The following COL12A1 variants were observed in gnomAD, a reference collection of about 807,000 sequenced individuals.
COL12A1 encodes collagen type XII alpha 1 chain.
In COL12A1, 114 loss-of-function variants were observed where a neutral mutation model predicts 349.7. That is an observed-to-expected ratio of 0.33 (90% confidence interval 0.28 to 0.38). The LOEUF (loss-of-function observed/expected upper bound fraction) is 0.38, where lower values mean the gene tolerates loss of function less well. Among genes scored for constraint, COL12A1 ranks in the 10% least tolerant of loss-of-function variants. The pLI, the probability that COL12A1 is intolerant of heterozygous loss-of-function variation, is 1.00. For synonymous variants in COL12A1, 1,369 were observed against 1,329.0 expected, an observed-to-expected ratio of 1.03 and a Z score of -0.66; for missense variants, 3,284 against 3,756.9, an observed-to-expected ratio of 0.87 and a Z score of 3.29.
chr6:75,089,554 A>G (rs1345693418), intron 63 of COL12A1, among the ~76,000 whole-genome samples: 1 of 152,236 alleles, frequency 6.6e-6, no homozygotes, highest in South Asian at 2.1e-4. Context: ...AGAATTATAG[A>G]AATATGTAGG....
In COL12A1 at chr6:75,085,406, G is replaced by GCA. The variant is rs59844830; in HGVS notation, c.*1139_*1140dup. On this transcript the variant is annotated 3_prime_UTR_variant, in exon 66 of 66. Coordinates refer to ENST00000322507, the MANE Select transcript of COL12A1 (RefSeq NM_004370.6). ...TTACAATTATGGCATGATTTGGAAG[G>GCA]CACACACACACACACACAGCAAAAG... is the stretch of plus-strand genomic sequence containing the variant. The GCA allele has an allele frequency of 0.096, 32,626 of 339,358 alleles. 174 individuals are homozygous for GCA. The highest frequency in any genetic ancestry group is 0.24 in the East Asian group (2,790 of 11,486). 21.0% of individuals were successfully genotyped at this position (339,358 alleles called of 1,614,324 possible).
intron 60 of COL12A1, among the ~76,000 whole-genome samples, chr6:75,093,426 C>T (rs377738074): frequency 6.6e-6 from 1 of 152,212 alleles, no homozygotes; most frequent in South Asian, 2.1e-4. Flanking sequence ...AAGCCAAGCT[C>T]TCTGCTAAGA....
intron 24 of COL12A1, 143 bp from the exon 25 acceptor site, chr6:75,145,598 A>C: frequency 1.1e-5 from 7 of 651,406 alleles, no homozygotes; most frequent in Non-Finnish European, 1.5e-5. Context: ...CTCCTTTTCC[A>C]TGCTGATGTT....
chr6:75,147,884 C>G, intron 22 of COL12A1, 80 bp from the exon 23 acceptor site: 1 of 1,425,270 alleles, frequency 7.0e-7, no homozygotes, highest in African/African-American at 1.4e-5. Flanking sequence ...AAGTAGTTAA[C>G]TGCAGTGAGC....
chr6:75,200,297 A>C (rs1388459990), intron 2 of COL12A1, among the ~76,000 whole-genome samples: 3 of 152,132 alleles, frequency 2.0e-5, no homozygotes, highest in Non-Finnish European at 4.4e-5. Flanking sequence ...GGCCAGTACG[A>C]AATAAACTGT....
chr6:75,097,249 T>A lies in COL12A1; in HGVS notation c.8577+4A>T, dbSNP rs1562105188. On this transcript the variant is annotated splice_donor_region_variant and intron_variant, in intron 59 of 65. Coordinates refer to ENST00000322507, the MANE Select transcript of COL12A1 (RefSeq NM_004370.6). ...CACAAAAATGAGACACATTTAGTTC[T>A]TACCGGCGGCCCTGGTGGGCCCCTG... 7 of 1,613,502 alleles carry A rather than the reference T, an allele frequency of 4.3e-6. No homozygotes were observed. The highest frequency in any genetic ancestry group is 5.9e-6 in the Non-Finnish European group (7 of 1,179,660).
intron 33 of COL12A1, 124 bp downstream of exon 33, chr6:75,133,734 C>T (rs932208843): frequency 8.8e-7 from 1 of 1,134,116 alleles, no homozygotes; most frequent in African/African-American, 1.6e-5. Context: ...TCTATAAAGT[C>T]TTATTAAATG....
intron 64 of COL12A1, among the ~76,000 whole-genome samples, chr6:75,088,002 C>T (rs1443875876): frequency 6.6e-6 from 1 of 152,100 alleles, no homozygotes; most frequent in Non-Finnish European, 1.5e-5. Flanking sequence ...TCAGCCAAAC[C>T]AGAGATATCA....
chr6:75,182,992 T>C (rs1018752291), intron 10 of COL12A1, 58 bp downstream of exon 10: 67 of 1,523,248 alleles, frequency 4.4e-5, no homozygotes, highest in Admixed American at 1.1e-4. Context: ...TCCACAATTT[T>C]AGAACCAAAA....
Position 75,143,270 on chromosome 6 carries a change from T to C in COL12A1, c.4809A>G (p.Pro1603=). 1 of 1,613,946 alleles carries C rather than the reference T, an allele frequency of 6.2e-7. No individual in the cohort carries two copies. Among genetic ancestry groups the C allele is most frequent in the Non-Finnish European group, 8.5e-7 (1 of 1,179,906 alleles). Residue 1603 remains proline (P), a synonymous_variant, in exon 26 of 66, where the codon CCA becomes CCG. Coordinates refer to ENST00000322507, the MANE Select transcript of COL12A1 (RefSeq NM_004370.6). ...AACCTACCTCTTTGACATCCTCTTC[T>C]GGTGTTTTGTATCGAACAATATATT... ...VRKYIVRYKT[P]EEDVKEVEVD...
intron 52 of COL12A1, among the ~76,000 whole-genome samples, 200 bp from the exon 53 acceptor site, chr6:75,106,696 T>G (rs796951641): frequency 4.6e-5 from 7 of 152,182 alleles, no homozygotes; most frequent in African/African-American, 1.7e-4. Flanking sequence ...GTGAAACATG[T>G]ATGTGAGATT....
chr6:75,115,571 G>T (rs1315611869), intron 49 of COL12A1, among the ~76,000 whole-genome samples: 1 of 152,124 alleles, frequency 6.6e-6, no homozygotes, highest in African/African-American at 2.4e-5. Flanking sequence ...CTTGGATCTG[G>T]CAATAACGAG....
At chr6:75,093,938 T>C (rs1362637469) in intron 60 of COL12A1, among the ~76,000 whole-genome samples, 2 of 152,204 alleles carry the variant, frequency 1.3e-5, no homozygotes, top group African/African-American at 4.8e-5. Flanking sequence ...AAATGCTGAA[T>C]GGGTAGAAAA....
chr6:75,158,212 G>C (rs1352782810), intron 14 of COL12A1, among the ~76,000 whole-genome samples: 1 of 152,192 alleles, frequency 6.6e-6, no homozygotes, highest in Non-Finnish European at 1.5e-5. Context: ...TAAACATGAG[G>C]CCTTTGTGGA....
At position 75,091,365 on chromosome 6, in the gene COL12A1, T is replaced by A; in HGVS notation, c.8710A>T (p.Met2904Leu). Residue 2904 changes from methionine (M) to leucine (L), a missense_variant, in exon 62 of 66, where the codon ATG becomes TTG. This residue lies in a region of COL12A1 where 683 missense variants were observed against 932.1 expected (regional missense o/e 0.73). Transcript: ENST00000322507. ...CAGACTTGTCTTGCAACTGCTCGCA[T>A]CATGTTCTGGGAAGCAATGTCTCCC... is the stretch of plus-strand genomic sequence containing the variant. ...DRGDIASQNM[M>L]RAVARQVCEQ... The A allele has an allele frequency of 6.2e-7, 1 of 1,613,848 alleles. No individual in the cohort carries two copies. The highest frequency in any genetic ancestry group is 8.5e-7 in the Non-Finnish European group (1 of 1,179,936).
At chr6:75,117,612 C>CA (rs1290761953) in intron 46 of COL12A1, 66 bp from the exon 47 acceptor site, 5 of 1,514,208 alleles carry the variant, frequency 3.3e-6, no homozygotes, top group Non-Finnish European at 3.6e-6. Context: ...TAGAACAATG[C>CA]AAAAAAATTC....
At chr6:75,130,678 CG>C (rs1443020510) in intron 36 of COL12A1, among the ~76,000 whole-genome samples, 173 bp downstream of exon 36, 1 of 152,070 alleles carries the variant, frequency 6.6e-6, no homozygotes, top group East Asian at 1.9e-4. Flanking sequence ...AAGAAGTTCA[CG>C]TCACACAAAC....
At chr6:75,125,053 G>T (rs1010995853) in intron 40 of COL12A1, 74 bp downstream of exon 40, 1 of 1,408,678 alleles carries the variant, frequency 7.1e-7, no homozygotes, top group South Asian at 1.8e-5. Flanking sequence ...TTCAGAAACA[G>T]GAAATTAAAA....
intron 43 of COL12A1, among the ~76,000 whole-genome samples, chr6:75,122,061 G>A (rs557287976): frequency 1.3e-5 from 2 of 152,120 alleles, no homozygotes; most frequent in South Asian, 2.1e-4. Flanking sequence ...GTTTAACCAT[G>A]TTGGCCATGA....
Sources: allele counts gnomAD v4.1 joint callset (sites outside exome capture counted in the v4.1 genomes callset), GRCh38; gene constraint gnomAD v4.1.1; regional missense constraint gnomAD v4.1.1; transcripts MANE v1.5; gene names NCBI Gene and HGNC (gene_info 2026-07-23, HGNC 2026-07-21).